Variants in RHEX observed in about 807,000 individuals in gnomAD.
RHEX encodes regulator of hemoglobinization and erythroid cell expansion protein.
In RHEX, 18 loss-of-function variants were observed where a neutral mutation model predicts 20.1. That is an observed-to-expected ratio of 0.90 (90% CI 0.62 to 1.33). RHEX has a LOEUF of 1.33. RHEX is among the 40% of genes most tolerant of loss of function. RHEX has a pLI of 0.00. For missense variants in RHEX, 192 were observed against 214.3 expected, an observed-to-expected ratio of 0.90 and a Z score of 0.65; for synonymous variants, 87 against 77.1, an observed-to-expected ratio of 1.13 and a Z score of -0.67.
At chr1:206,063,070 G>A (rs1367785328) in intron 1 of RHEX, among the ~76,000 whole-genome samples, 8 of 152,164 alleles carry the variant, frequency 5.3e-5, no homozygotes, top group African/African-American at 1.9e-4. Context: ...GTTTGTATCA[G>A]GTGTTCAGGG....
intron 1 of RHEX, among the ~76,000 whole-genome samples, chr1:206,074,185 C>G (rs1450249490): frequency 6.6e-6 from 1 of 152,214 alleles, no homozygotes; most frequent in African/African-American, 2.4e-5. Context: ...ATAGGACCCT[C>G]TGCTGTATGT....
At chr1:206,064,628 C>A (rs1662383644) in intron 1 of RHEX, among the ~76,000 whole-genome samples, 1 of 145,926 alleles carries the variant, frequency 6.9e-6, no homozygotes, top group African/African-American at 2.5e-5. Flanking sequence ...TCTGCCCGGC[C>A]GGCCGCCCCG....
At chr1:206,087,449 C>G (rs565843661) in intron 1 of RHEX, among the ~76,000 whole-genome samples, 1 of 151,822 alleles carries the variant, frequency 6.6e-6, no homozygotes, top group South Asian at 2.1e-4. Flanking sequence ...TTATTGATAC[C>G]ACTCCTTCTG....
intron 1 of RHEX, among the ~76,000 whole-genome samples, chr1:206,074,783 ATG>A (rs1287151531): frequency 1.3e-5 from 2 of 152,200 alleles, no homozygotes; most frequent in African/African-American, 4.8e-5. Context: ...ATTCGACCTC[ATG>A]TGACAGGTCT....
chr1:206,056,048 C>T (rs1484474589), intron 1 of RHEX, among the ~76,000 whole-genome samples: 4 of 152,274 alleles, frequency 2.6e-5, no homozygotes, highest in Non-Finnish European at 5.9e-5. Context: ...GCTAGACTAG[C>T]TAGATACCAA....
At chr1:206,057,245 G>A (rs1489309642) in intron 1 of RHEX, among the ~76,000 whole-genome samples, 1 of 152,270 alleles carries the variant, frequency 6.6e-6, no homozygotes, top group African/African-American at 2.4e-5. Flanking sequence ...TGTTTGTGGA[G>A]GAACCGTAAC....
At chr1:206,066,552 G>C (rs1325250695) in intron 1 of RHEX, among the ~76,000 whole-genome samples, 1 of 152,240 alleles carries the variant, frequency 6.6e-6, no homozygotes. Context: ...GGGACGTCAA[G>C]TTTGCAGTGA....
intron 1 of RHEX, among the ~76,000 whole-genome samples, chr1:206,073,480 A>G (rs1662572722): frequency 6.6e-6 from 1 of 152,158 alleles, no homozygotes; most frequent in Non-Finnish European, 1.5e-5. Flanking sequence ...TAGTATTATT[A>G]TTATTATCAT....
In RHEX at chr1:206,067,566, A is replaced by T. The variant is rs565704241; in HGVS notation, c.-97+14301A>T. On this transcript the variant is annotated intron_variant, in intron 1 of 5. Coordinates refer to ENST00000331555, the MANE Select transcript of RHEX (RefSeq NM_001007544.4). The surrounding 1 kb of genome is among the most constrained non-coding windows in gnomAD (Gnocchi z 4.6). ...TGGATTCCTAATAAGATAAGTGAGC[A>T]ACAACTTGGAGGGGGCCCCAGGTGG... 5.9e-5 allele frequency among the ~76,000 whole-genome samples: 9 copies of T among 152,350 alleles called. No individual in the cohort carries two copies. In the South Asian group the frequency reaches 1.9e-3, roughly 32 times the overall value.
At chr1:206,059,138 G>T (rs28529397) in intron 1 of RHEX, among the ~76,000 whole-genome samples, 10,560 of 152,082 alleles carry the variant, frequency 0.069, 1,161 homozygotes, top group African/African-American at 0.23. Context: ...TGTGTCATCT[G>T]CCTCACCCCA....
intron 1 of RHEX, among the ~76,000 whole-genome samples, chr1:206,074,089 A>T (rs1023611737): frequency 6.6e-6 from 1 of 151,958 alleles, no homozygotes; most frequent in Non-Finnish European, 1.5e-5. Context: ...TTTCTCTCTC[A>T]TGGGACTTTC....
Position 206,056,772 on chromosome 1 carries a change from G to A in RHEX, c.-97+3507G>A, listed in dbSNP as rs571716685. On this transcript the variant is annotated intron_variant, in intron 1 of 5. Coordinates refer to ENST00000331555, the MANE Select transcript of RHEX (RefSeq NM_001007544.4). ...ACTATTGATAGTAAGCAGCATGGAT[G>A]AGGATGTGGTTCTCTAAATTGGAAA... 2.9e-3 allele frequency among the ~76,000 whole-genome samples: 436 copies of A among 151,936 alleles called. 4 individuals carry two copies. Among genetic ancestry groups the A allele is most frequent in the African/African-American group, 0.01 (428 of 41,144 alleles).
intron 1 of RHEX, among the ~76,000 whole-genome samples, chr1:206,077,192 C>A (rs1321810134): frequency 6.6e-6 from 1 of 151,966 alleles, no homozygotes; most frequent in Non-Finnish European, 1.5e-5. Flanking sequence ...CTCTGGCCTG[C>A]AACTGTGTTC....
intron 1 of RHEX, among the ~76,000 whole-genome samples, chr1:206,081,650 G>A (rs755983661): frequency 1.1e-4 from 16 of 152,180 alleles, no homozygotes; most frequent in Middle Eastern, 3.2e-3. Flanking sequence ...TAAAAATGCC[G>A]CATCATTGTC....
intron 1 of RHEX, among the ~76,000 whole-genome samples, chr1:206,080,883 A>G (rs759813555): frequency 2.6e-5 from 4 of 152,072 alleles, no homozygotes; most frequent in Non-Finnish European, 5.9e-5. Context: ...GCCCACTGCA[A>G]TCTCTGCCTC....
intron 1 of RHEX, among the ~76,000 whole-genome samples, chr1:206,073,216 C>G (rs1662567953): frequency 6.6e-6 from 1 of 152,128 alleles, no homozygotes; most frequent in Non-Finnish European, 1.5e-5. Flanking sequence ...CCTCAGGGCT[C>G]TGTCCTGGCC....
At chr1:206,092,940 C>A (rs59298662) in intron 1 of RHEX, among the ~76,000 whole-genome samples, 1 of 152,136 alleles carries the variant, frequency 6.6e-6, no homozygotes. Flanking sequence ...TTCACCCCAG[C>A]CTTTAAAGAG....
chr1:206,063,349 GT>G (rs1402559994), intron 1 of RHEX, among the ~76,000 whole-genome samples: 45 of 151,982 alleles, frequency 3.0e-4, no homozygotes, highest in African/African-American at 1.1e-3. Flanking sequence ...CATGGCTTGT[GT>G]TTTAAAAAGA....
At chr1:206,090,058 A>G (rs1558178023) in intron 1 of RHEX, among the ~76,000 whole-genome samples, 2 of 152,134 alleles carry the variant, frequency 1.3e-5, no homozygotes, top group African/African-American at 4.8e-5. Flanking sequence ...CATTTGTTAA[A>G]TAATGATTTC....
Sources: gnomAD v4.1 joint callset for allele counts (sites outside exome capture counted in the v4.1 genomes callset) on GRCh38, gnomAD v4.1.1 for gene constraint, Gnocchi (gnomAD v3.1) non-coding constraint, MANE v1.5 for transcripts, NCBI Gene and HGNC (gene_info 2026-07-23, HGNC 2026-07-21) for gene names.